Variants in DNAJC6 observed in about 807,000 individuals in gnomAD.
DNAJC6 encodes the protein auxilin.
Under a neutral mutation model 110.0 loss-of-function variants are expected in DNAJC6, and 34 were observed. That is an observed-to-expected ratio of 0.31 (90% CI 0.24 to 0.41). The LOEUF (loss-of-function observed/expected upper bound fraction) is 0.41, where lower values mean the gene tolerates loss of function less well. Ranked by LOEUF, DNAJC6 falls within the 10% of genes least tolerant of loss-of-function variation. The pLI is 1.00. For synonymous variants in DNAJC6, 406 were observed against 437.2 expected (o/e 0.93, Z 0.89); for missense variants, 1,031 against 1,207.8 (o/e 0.85, Z 2.17).
chr1:65,343,912 A>T (rs1645412609), intron 1 of DNAJC6, among the ~76,000 whole-genome samples: 1 of 152,192 alleles, frequency 6.6e-6, no homozygotes, highest in African/African-American at 2.4e-5. Flanking sequence ...ATTAAGATGG[A>T]AAAGGCTTCA....
At chr1:65,398,991 G>T (rs772891138) in intron 14 of DNAJC6, 110 bp downstream of exon 14, 9 of 1,116,082 alleles carry the variant, frequency 8.1e-6, no homozygotes, top group South Asian at 1.4e-5. Flanking sequence ...TGTAATTTGT[G>T]TCACTTTTTC....
intron 1 of DNAJC6, among the ~76,000 whole-genome samples, chr1:65,302,175 C>T (rs61779340): frequency 5.5e-5 from 7 of 128,082 alleles, no homozygotes; most frequent in Admixed American, 1.7e-4. Flanking sequence ...TTATATTATA[C>T]ATTTATATAT....
rs753905924 is a variant in DNAJC6 at position 65,320,252 on chromosome 1, C to T, written c.193+10314C>T. ...GAATGAATTTTACTAATCCACAGCC[C>T]GAGAGTATAAGATAATAGCTCACCA... On this transcript the variant is annotated intron_variant, in intron 1 of 18. Coordinates refer to ENST00000371069, the MANE Select transcript of DNAJC6 (RefSeq NM_001256864.2). 4.6e-5 allele frequency among the ~76,000 whole-genome samples: 7 copies of T among 152,306 alleles called. No homozygotes were observed. The South Asian group carries it at 8.3e-4, about 18-fold the overall frequency.
intron 1 of DNAJC6, among the ~76,000 whole-genome samples, chr1:65,355,286 A>AAAAAAAAAG (rs1645532093): frequency 7.1e-6 from 1 of 140,446 alleles, no homozygotes; most frequent in African/African-American, 2.7e-5. Context: ...AAAAAAAAAA[A>AAAAAAAAAG]GAAAAAGATT....
intron 1 of DNAJC6, among the ~76,000 whole-genome samples, chr1:65,362,226 A>G (rs796642763): frequency 3.8e-4 from 54 of 143,542 alleles, no homozygotes; most frequent in African/African-American, 1.4e-3. Flanking sequence ...TTTCTGATCT[A>G]TAACATAGGA....
At chr1:65,268,563 T>G (rs2101151888) in intron 1 of DNAJC6, among the ~76,000 whole-genome samples, 1 of 152,310 alleles carries the variant, frequency 6.6e-6, no homozygotes, top group Admixed American at 6.5e-5. Flanking sequence ...GATTAAGAAT[T>G]TTGTACAGGG....
At chr1:65,303,561 CTTCT>C (rs1355600240) in intron 1 of DNAJC6, among the ~76,000 whole-genome samples, 8 of 107,568 alleles carry the variant, frequency 7.4e-5, no homozygotes, top group African/African-American at 3.2e-4. Context: ...TTGATTCTCT[CTTCT>C]TTTTTTTTTT....
intron 1 of DNAJC6, among the ~76,000 whole-genome samples, chr1:65,296,809 A>T (rs765365299): frequency 6.6e-6 from 1 of 151,924 alleles, no homozygotes; most frequent in Admixed American, 6.6e-5. Flanking sequence ...GCTGGTCTTG[A>T]ACTCCTGACC....
Position 65,326,458 on chromosome 1 carries a change from A to G in DNAJC6, c.193+16520A>G, listed in dbSNP as rs538329473. Among the ~76,000 whole-genome samples, 7 of 152,220 alleles carry G rather than the reference A, an allele frequency of 4.6e-5. No homozygotes were observed. The East Asian group carries it at 1.2e-3, about 25-fold the overall frequency. On this transcript the variant is annotated intron_variant, in intron 1 of 18. Coordinates refer to ENST00000371069, the MANE Select transcript of DNAJC6 (RefSeq NM_001256864.2). ...TTGGAAAGAGTATTTTCACAGGAAGAAATAGAATGATAAAGGGATGGAGGA... is the reference window on the plus strand; with the variant it reads ...TTGGAAAGAGTATTTTCACAGGAAGGAATAGAATGATAAAGGGATGGAGGA...
In DNAJC6 at chr1:65,403,846, G is replaced by A. The variant is rs572636245; in HGVS notation, c.2227+1966G>A. Among the ~76,000 whole-genome samples the A allele has an allele frequency of 2.4e-4, 37 of 152,312 alleles. 1 individual carries two copies. Among genetic ancestry groups the A allele is most frequent in the African/African-American group, 8.7e-4 (36 of 41,564 alleles). ...CCTGCAATGTTGATGAGCCCCATGA[G>A]TGCGGGGTCAGCGTCTGCTTTTTCA... On this transcript the variant is annotated intron_variant, in intron 15 of 18. Coordinates refer to ENST00000371069, the MANE Select transcript of DNAJC6 (RefSeq NM_001256864.2).
intron 1 of DNAJC6, among the ~76,000 whole-genome samples, chr1:65,301,447 C>T (rs921874308): frequency 6.6e-6 from 1 of 152,162 alleles, no homozygotes; most frequent in Non-Finnish European, 1.5e-5. Flanking sequence ...AACTGCTCCC[C>T]CAACCTACCA....
chr1:65,399,701 T>G (rs1425515173), intron 14 of DNAJC6, among the ~76,000 whole-genome samples: 1 of 152,172 alleles, frequency 6.6e-6, no homozygotes, highest in Non-Finnish European at 1.5e-5. Context: ...AATAACTCCC[T>G]ACCTCTGCCT....
chr1:65,368,121 G>A (rs1376535903), intron 4 of DNAJC6, among the ~76,000 whole-genome samples: 1 of 152,082 alleles, frequency 6.6e-6, no homozygotes, highest in Non-Finnish European at 1.5e-5. Flanking sequence ...AGCCTAGTTG[G>A]CGAGAGAACC....
intron 1 of DNAJC6, among the ~76,000 whole-genome samples, chr1:65,288,089 A>G (rs1654080343): frequency 6.6e-6 from 1 of 152,058 alleles, no homozygotes; most frequent in African/African-American, 2.4e-5. Context: ...ATAAATCTCT[A>G]GTCTTCTGTT....
At chr1:65,367,148 A>G (rs1219420643) in intron 4 of DNAJC6, among the ~76,000 whole-genome samples, 8 of 152,170 alleles carry the variant, frequency 5.3e-5, no homozygotes, top group Non-Finnish European at 4.4e-5. Flanking sequence ...TTCTGAGAAC[A>G]GTCTCAAATT....
At chr1:65,324,121 C>T (rs1210503172) in intron 1 of DNAJC6, among the ~76,000 whole-genome samples, 1 of 152,034 alleles carries the variant, frequency 6.6e-6, no homozygotes, top group African/African-American at 2.4e-5. Context: ...GGCACTGAGC[C>T]TTGTCTTTGT....
In DNAJC6 at chr1:65,343,754, A is replaced by C. The variant is rs116327662; in HGVS notation, c.194-20881A>C. ...GTTCCTGACTTAATAAAAAAAAAGG[A>C]AAAAAAAATATTCCGAGGTTGTATA... On this transcript the variant is annotated intron_variant, in intron 1 of 18. Transcript: ENST00000371069. 5.0e-3 allele frequency among the ~76,000 whole-genome samples: 761 copies of C among 151,290 alleles called. 8 individuals carry two copies. The Middle Eastern group carries it at 0.054, about 11-fold the overall frequency.
Position 65,367,970 on chromosome 1 carries a change from G to A in DNAJC6, c.543+1774G>A, listed in dbSNP as rs145246944. Among the ~76,000 whole-genome samples, 370 of 148,474 alleles carry A rather than the reference G, an allele frequency of 2.5e-3. 4 individuals carry two copies. The highest frequency in any genetic ancestry group is 8.5e-3 in the African/African-American group (341 of 40,250). ...ATGAATGTGCTGCACCCATTAACTC[G>A]TCATTTAGCATTAGGTATATCTCCT... On this transcript the variant is annotated intron_variant, in intron 4 of 18. Transcript: ENST00000371069.
chr1:65,319,236 T>C (rs191069537), intron 1 of DNAJC6, among the ~76,000 whole-genome samples: 6 of 152,326 alleles, frequency 3.9e-5, no homozygotes, highest in African/African-American at 7.2e-5. Flanking sequence ...ACCATGAACA[T>C]ACTTGTGGAA....
Sources: gnomAD v4.1 joint callset for allele counts (sites outside exome capture counted in the v4.1 genomes callset) on GRCh38, gnomAD v4.1.1 for gene constraint, MANE v1.5 for transcripts, NCBI Gene and HGNC (gene_info 2026-07-23, HGNC 2026-07-21) for gene names.